UBXN11: variants seen among roughly 807,000 people sequenced by gnomAD.
UBXN11 encodes UBX domain protein 11, also known as UBX domain-containing protein 11.
UBXN11 carries 47 observed loss-of-function variants against 62.8 expected under a neutral mutation model. That is an observed-to-expected ratio of 0.75 (90% CI 0.59 to 0.95). UBXN11 has a LOEUF of 0.95. Ranked by LOEUF, UBXN11 falls within the 40% of genes least tolerant of loss-of-function variation. UBXN11 has a pLI of 0.00. For missense variants in UBXN11, 638 were observed against 661.7 expected, an observed-to-expected ratio of 0.96 and a Z score of 0.39; for synonymous variants, 294 against 267.0, an observed-to-expected ratio of 1.10 and a Z score of -0.99.
chr1:26,290,584 G>A (rs1420840222), intron 8 of UBXN11, among the ~76,000 whole-genome samples: 1 of 152,176 alleles, frequency 6.6e-6, no homozygotes, highest in Non-Finnish European at 1.5e-5. Flanking sequence ...CAAGCCAGGT[G>A]GCTCTGGGAT....
intron 8 of UBXN11, among the ~76,000 whole-genome samples, chr1:26,287,450 C>G (rs2073158516): frequency 6.6e-6 from 1 of 152,052 alleles, no homozygotes; most frequent in Non-Finnish European, 1.5e-5. Context: ...GTTCTGTCAT[C>G]TTTGATGGGA....
chr1:26,287,907 T>C (rs372699815), intron 8 of UBXN11, among the ~76,000 whole-genome samples: 1 of 4,234 alleles, frequency 2.4e-4, no homozygotes. Flanking sequence ...GCCTCAACCC[T>C]TTTTTTTTTT....
chr1:26,293,511 A>C (rs2073320442), intron 8 of UBXN11, among the ~76,000 whole-genome samples: 1 of 151,972 alleles, frequency 6.6e-6, no homozygotes, highest in African/African-American at 2.4e-5. Flanking sequence ...GCAGATCACG[A>C]GGTCAGGAGT....
At position 26,301,003 on chromosome 1, in the gene UBXN11, C is replaced by T. The variant is rs558442718; in HGVS notation, c.122G>A (p.Ser41Asn). ...YGDEDEVDML[S>N]DGCGSEEKIS... Reference sequence around the variant, plus strand: ...CTTTTCTTCTGAGCCACACCCATCACTCAACATGTCCACCTCATCTTCTGC... The same window carrying T: ...CTTTTCTTCTGAGCCACACCCATCATTCAACATGTCCACCTCATCTTCTGC... Residue 41 changes from serine (S) to asparagine (N), a missense_variant, in exon 4 of 15, where the codon AGT becomes AAT. Transcript: ENST00000374222. The T allele has an allele frequency of 8.7e-6, 14 of 1,614,242 alleles. No homozygotes were observed. The African/African-American group carries it at 1.6e-4, about 18-fold the overall frequency.
At chr1:26,294,963 T>C (rs913979209) in intron 7 of UBXN11, among the ~76,000 whole-genome samples, 2 of 152,148 alleles carry the variant, frequency 1.3e-5, no homozygotes, top group Non-Finnish European at 2.9e-5. Context: ...CCTTTCCAAT[T>C]TCCTTCACCG....
In UBXN11 at chr1:26,303,100, C is replaced by A; in HGVS notation, c.-35-182G>T. ...TCTGGAAGTTTCTGTTATCTGCCTG[C>A]TCCTCTGGGTATACGGCTTTCTGCT... On this transcript the variant is annotated intron_variant, in intron 1 of 14. Transcript: ENST00000374222. The A allele has an allele frequency of 7.7e-6, 4 of 516,534 alleles. No individual in the cohort carries two copies. In the South Asian group the frequency reaches 1.2e-4, roughly 15 times the overall value. 32.0% of individuals were successfully genotyped at this position (516,534 alleles called of 1,614,324 possible). A position where few individuals can be genotyped will look rare whatever the true frequency, so the allele number is the denominator to read the frequency against.
chr1:26,314,999 T>C (rs529901196), intron 1 of UBXN11, among the ~76,000 whole-genome samples: 17 of 152,172 alleles, frequency 1.1e-4, no homozygotes, highest in African/African-American at 4.1e-4. Context: ...GAGGATTGCT[T>C]GAGCCCAGGA....
At chr1:26,296,658 T>C (rs2073401079) in intron 7 of UBXN11, among the ~76,000 whole-genome samples, 1 of 152,080 alleles carries the variant, frequency 6.6e-6, no homozygotes, top group Admixed American at 6.5e-5. Context: ...TTCAGTTCAG[T>C]GGGAGCCATG....
chr1:26,302,479 T>G (rs1362283217), intron 2 of UBXN11, among the ~76,000 whole-genome samples: 1 of 151,284 alleles, frequency 6.6e-6, no homozygotes, highest in Non-Finnish European at 1.5e-5. Flanking sequence ...TGTAAAAGAT[T>G]CCCTTTACTG....
chr1:26,284,389 C>T lies in UBXN11; in HGVS notation c.946G>A (p.Ala316Thr). ...GGGTGCTCCTCCACCCTGTCCAAGG[C>T]CTTGTGCATCAGCTGCCTGCCCACC... Reference protein sequence around the residue: ...RVVGRQLMHKALDRVEEHPGS... With the variant: ...RVVGRQLMHKTLDRVEEHPGS... The change falls in exon 11 of 15, where the codon GCC (alanine) becomes ACC (threonine). Residue 316 changes from alanine (A) to threonine (T), a missense_variant. Ala to Thr is a moderately conservative substitution (Grantham distance 58). Coordinates refer to ENST00000374222, the MANE Select transcript of UBXN11 (RefSeq NM_001389556.1). 1 of 1,614,070 alleles carries T rather than the reference C, an allele frequency of 6.2e-7. No homozygotes were observed.
At position 26,282,328 on chromosome 1, in the gene UBXN11, AGGGACTGGGGCC is replaced by A. The variant is rs1446292581; in HGVS notation, c.1522_1533del (p.Gly508_Pro511del). ...TGGGGGCTGGGACTGGGTCCAGGAC[AGGGACTGGGGCC>A]GGGACCGGGACCGGGACTGGGGCCG... On this transcript the variant is annotated inframe_deletion, in exon 15 of 15. Transcript: ENST00000374222. 2.7e-4 allele frequency: 208 copies of A among 778,136 alleles called. 2 individuals are homozygous for A. The East Asian group carries it at 7.3e-3, about 27-fold the overall frequency. The allele number at this position is 778,136 out of a possible 1,614,324, so 48.2% of individuals were successfully genotyped here. A position where few individuals can be genotyped will look rare whatever the true frequency, so the allele number is the denominator to read the frequency against.
upstream of UBXN11, chr1:26,306,837 G>GTGGGT (rs5773157): frequency 5.8e-4 from 37 of 63,458 alleles, no homozygotes; most frequent in Non-Finnish European, 9.6e-4. Context: ...GGTGGGGGGG[G>GTGGGT]GGGGTGGTTC....
chr1:26,311,215 C>T (rs2073741430), upstream of UBXN11, among the ~76,000 whole-genome samples: 1 of 151,094 alleles, frequency 6.6e-6, no homozygotes, highest in African/African-American at 2.4e-5. Context: ...TCTCAGCTCA[C>T]TGCAAACTCC....
Position 26,284,229 on chromosome 1 carries a change from A to C in UBXN11, c.990T>G (p.Ala330=), listed in dbSNP as rs759819341. The part of the protein sequence containing the change: ...VEEHPGSRMT[A]EKFLNRLPKF... ...TGGGGAGCCTGTTCAGAAATTTCTCAGCAGTCATCCTGGAGCCTACAGGCA... is the reference window on the plus strand; with the variant it reads ...TGGGGAGCCTGTTCAGAAATTTCTCCGCAGTCATCCTGGAGCCTACAGGCA... Residue 330 remains alanine (A), a synonymous_variant, in exon 12 of 15, where the codon GCT becomes GCG. Coordinates refer to ENST00000374222, the MANE Select transcript of UBXN11 (RefSeq NM_001389556.1). 6.2e-7 allele frequency: 1 copy of C among 1,612,570 alleles called. No individual in the cohort carries two copies. Among genetic ancestry groups the C allele is most frequent in the South Asian group, 1.1e-5 (1 of 90,870 alleles).
intron 5 of UBXN11, among the ~76,000 whole-genome samples, 156 bp from the exon 6 acceptor site, chr1:26,297,637 T>C (rs185389911): frequency 4.6e-5 from 7 of 152,140 alleles, no homozygotes; most frequent in African/African-American, 1.7e-4. Flanking sequence ...CAGATAACCC[T>C]CGCAGTTCCT....
chr1:26,300,874 T>G, intron 4 of UBXN11, 52 bp downstream of exon 4: 1 of 1,613,492 alleles, frequency 6.2e-7, no homozygotes, highest in Non-Finnish European at 8.5e-7. Context: ...GCCCCGTCTC[T>G]GGGGCCCCCT....
At chr1:26,303,952 CA>C (rs1328406972) in intron 1 of UBXN11, among the ~76,000 whole-genome samples, 1 of 152,176 alleles carries the variant, frequency 6.6e-6, no homozygotes, top group Non-Finnish European at 1.5e-5. Context: ...ACCTGAAGGA[CA>C]TAATCGAAGG....
upstream of UBXN11, among the ~76,000 whole-genome samples, chr1:26,307,474 C>T (rs2073691452): frequency 6.8e-6 from 1 of 146,598 alleles, no homozygotes. Context: ...TTTTCAAAAA[C>T]GTTTCCTGCT....
chr1:26,317,140 C>T (rs1267921961), intron 1 of UBXN11, among the ~76,000 whole-genome samples: 1 of 151,380 alleles, frequency 6.6e-6, no homozygotes, highest in African/African-American at 2.4e-5. Context: ...ATGCGGGAGG[C>T]CAAGGCAGGA....
Sources: gnomAD v4.1 joint callset for allele counts (sites outside exome capture counted in the v4.1 genomes callset) on GRCh38, gnomAD v4.1.1 for gene constraint, MANE v1.5 for transcripts, NCBI Gene and HGNC (gene_info 2026-07-23, HGNC 2026-07-21) for gene names.